STPG2: variants seen among roughly 807,000 people sequenced by gnomAD.
The protein encoded by STPG2 is sperm-tail PG-rich repeat-containing protein 2.
A neutral mutation model predicts 54.2 loss-of-function variants in STPG2; 56 were observed. That is an observed-to-expected ratio of 1.03 (90% CI 0.83 to 1.29). The LOEUF (loss-of-function observed/expected upper bound fraction) is 1.29, where lower values mean the gene tolerates loss of function less well. Ranked by LOEUF, STPG2 falls within the 50% of genes most tolerant of loss-of-function variation. STPG2 has a pLI of 0.00. For synonymous variants in STPG2, 200 were observed against 181.8 expected, an observed-to-expected ratio of 1.10 and a Z score of -0.81; for missense variants, 596 against 544.9, an observed-to-expected ratio of 1.09 and a Z score of -0.93.
At chr4:97,910,290 C>A (rs150069679) in intron 8 of STPG2, among the ~76,000 whole-genome samples, 39 of 152,218 alleles carry the variant, frequency 2.6e-4, no homozygotes, top group African/African-American at 8.9e-4. Flanking sequence ...CTCTTCCCAG[C>A]TAGATAATAG....
intron 10 of STPG2, among the ~76,000 whole-genome samples, chr4:97,602,480 C>T (rs978334165): frequency 2.0e-5 from 3 of 151,714 alleles, no homozygotes; most frequent in South Asian, 2.1e-4. Flanking sequence ...AAAAATATCA[C>T]GCATCTTTTT....
intron 9 of STPG2, among the ~76,000 whole-genome samples, chr4:97,780,834 GGGTA>G (rs1726576937): frequency 6.6e-6 from 1 of 151,914 alleles, no homozygotes; most frequent in African/African-American, 2.4e-5. Context: ...AATGACTACT[GGGTA>G]CATAAGGAAA....
chr4:97,586,096 T>TA (rs1267748248), intron 10 of STPG2, among the ~76,000 whole-genome samples: 7 of 151,852 alleles, frequency 4.6e-5, no homozygotes, highest in Non-Finnish European at 2.9e-5. Context: ...TAAATTCTCT[T>TA]ACAACAAATA....
intron 5 of STPG2, among the ~76,000 whole-genome samples, chr4:98,018,655 T>C (rs1232963348): frequency 6.6e-6 from 1 of 151,754 alleles, no homozygotes; most frequent in Non-Finnish European, 1.5e-5. Context: ...GTGTTCCTAT[T>C]TCTCCACATC....
At chr4:98,064,003 G>A (rs141017201) in intron 5 of STPG2, among the ~76,000 whole-genome samples, 95 of 152,202 alleles carry the variant, frequency 6.2e-4, no homozygotes, top group African/African-American at 2.3e-3. Context: ...TTTTAGGAAT[G>A]AGAAAGGTGA....
chr4:97,619,032 G>T (rs1239717627), intron 10 of STPG2, among the ~76,000 whole-genome samples: 5 of 152,092 alleles, frequency 3.3e-5, no homozygotes, highest in African/African-American at 1.2e-4. Flanking sequence ...GGAGTTATTT[G>T]TTCTTGTTTT....
intron 4 of STPG2, among the ~76,000 whole-genome samples, chr4:97,538,615 T>C (rs996687046): frequency 2.6e-5 from 4 of 152,118 alleles, no homozygotes; most frequent in Non-Finnish European, 5.9e-5. Context: ...TGGAAAACAC[T>C]CTACAGCATA....
At position 97,987,422 on chromosome 4, in the gene STPG2, G is replaced by A. The variant is rs546045855; in HGVS notation, c.613-6104C>T. ...TGTTTTTTCCATCAAATAGGCTTTA[G>A]GAAATAGTTTAACTACATATGTTAA... is the stretch of plus-strand genomic sequence containing the variant. On this transcript the variant is annotated intron_variant, in intron 5 of 10. Coordinates refer to ENST00000295268, the MANE Select transcript of STPG2 (RefSeq NM_174952.3). Among the ~76,000 whole-genome samples, 92 of 152,080 alleles carry A rather than the reference G, an allele frequency of 6.0e-4. 6 individuals carry two copies. Among genetic ancestry groups the A allele is most frequent in the Admixed American group, 5.9e-3 (90 of 15,280 alleles).
At chr4:97,903,690 G>T (rs1731269378) in intron 8 of STPG2, among the ~76,000 whole-genome samples, 1 of 152,202 alleles carries the variant, frequency 6.6e-6, no homozygotes, top group Non-Finnish European at 1.5e-5. Flanking sequence ...TGAGGTACTG[G>T]GTTCATCTCA....
chr4:98,035,669 C>T (rs1201806617), intron 5 of STPG2, among the ~76,000 whole-genome samples: 3 of 152,126 alleles, frequency 2.0e-5, no homozygotes, highest in Non-Finnish European at 4.4e-5. Flanking sequence ...CGGCATTGTT[C>T]ACAATAGCAA....
intron 10 of STPG2, among the ~76,000 whole-genome samples, chr4:97,700,522 C>G (rs1723737916): frequency 6.6e-6 from 1 of 152,190 alleles, no homozygotes; most frequent in Non-Finnish European, 1.5e-5. Context: ...AGAAATTTTA[C>G]TGAGGGAGAA....
chr4:97,524,055 TAA>T (rs141549415), intron 4 of STPG2, among the ~76,000 whole-genome samples: 2,309 of 152,002 alleles, frequency 0.015, 55 homozygotes, highest in African/African-American at 0.051. Context: ...AACAAAGTTA[TAA>T]AGTTTCGTGA....
intron 8 of STPG2, among the ~76,000 whole-genome samples, chr4:97,876,095 C>T: frequency 6.6e-6 from 1 of 151,918 alleles, no homozygotes; most frequent in South Asian, 2.1e-4. Context: ...AATTATGATC[C>T]CATGAATGCA....
chr4:97,878,932 C>T (rs1848034), intron 8 of STPG2, among the ~76,000 whole-genome samples: 296 of 151,932 alleles, frequency 1.9e-3, no homozygotes, highest in African/African-American at 7.0e-3. Context: ...CCAAAGTCAC[C>T]CCTTGAATGC....
At chr4:98,125,516 C>T (rs1739804386) in intron 3 of STPG2, among the ~76,000 whole-genome samples, 1 of 151,822 alleles carries the variant, frequency 6.6e-6, no homozygotes, top group Non-Finnish European at 1.5e-5. Context: ...GGCTGCAAAA[C>T]AGCAAAGATG....
intron 4 of STPG2, among the ~76,000 whole-genome samples, chr4:97,532,883 T>G (rs533225272): frequency 6.6e-6 from 1 of 152,290 alleles, no homozygotes; most frequent in African/African-American, 2.4e-5. Flanking sequence ...TAGCATATTT[T>G]CTTTTCTTTT....
At chr4:98,125,557 C>T (rs1183288747) in intron 3 of STPG2, among the ~76,000 whole-genome samples, 1 of 84 alleles carries the variant, frequency 0.012, no homozygotes, top group Admixed American at 0.062. Context: ...GAAGCTCTGT[C>T]CCAGAGGGCA....
At chr4:97,978,240 T>G (rs746088456) in intron 6 of STPG2, among the ~76,000 whole-genome samples, 6 of 152,328 alleles carry the variant, frequency 3.9e-5, no homozygotes, top group South Asian at 4.1e-4. Context: ...GAGACACTAT[T>G]CACAACAGCA....
At chr4:97,740,123 T>C (rs1441043643) in intron 9 of STPG2, among the ~76,000 whole-genome samples, 2 of 152,190 alleles carry the variant, frequency 1.3e-5, no homozygotes, top group Non-Finnish European at 1.5e-5. Context: ...CACAGGATTA[T>C]CTCAATAGAT....
Sources: allele counts gnomAD v4.1 joint callset (sites outside exome capture counted in the v4.1 genomes callset), GRCh38; gene constraint gnomAD v4.1.1; transcripts MANE v1.5; gene names NCBI Gene and HGNC (gene_info 2026-07-23, HGNC 2026-07-21).